Variants in FAS observed in about 807,000 individuals in gnomAD.
The protein encoded by FAS is Fas cell surface death receptor, also known as tumor necrosis factor receptor superfamily member 6.
A neutral mutation model predicts 33.2 loss-of-function variants in FAS; 5 were observed. The observed-to-expected ratio is 0.15, with a 90% CI of 0.08 to 0.32. The LOEUF is 0.32. FAS is among the 10% of genes least tolerant of loss of function. FAS has a pLI of 1.00. For missense variants in FAS, 339 were observed against 386.0 expected (o/e 0.88, Z 1.02); for synonymous variants, 131 against 130.7 (o/e 1.00, Z -0.01).
intron 1 of FAS, among the ~76,000 whole-genome samples, chr10:88,972,440 A>G (rs536451245): frequency 6.6e-6 from 1 of 152,334 alleles, no homozygotes; most frequent in Non-Finnish European, 1.5e-5. Flanking sequence ...TTAATATTTA[A>G]TGTAATATTT....
chr10:88,978,674 C>T (rs923986080), intron 2 of FAS, among the ~76,000 whole-genome samples: 10 of 152,254 alleles, frequency 6.6e-5, no homozygotes, highest in East Asian at 3.9e-4. Flanking sequence ...ATTTGCACCA[C>T]GGCTCCAGCT....
At chr10:88,991,283 C>G (rs889854910) in intron 1 of FAS, 3 of 418,092 alleles carry the variant, frequency 7.2e-6, no homozygotes, top group South Asian at 4.6e-5. Flanking sequence ...AGGGGGACCC[C>G]GGTTGGAGAG....
At chr10:89,009,718 T>G (rs1221811659) in intron 4 of FAS, among the ~76,000 whole-genome samples, 3 of 151,724 alleles carry the variant, frequency 2.0e-5, no homozygotes, top group Non-Finnish European at 4.4e-5. Context: ...GAAAATTTTA[T>G]GTACAGTTGT....
rs543741938 is a variant in FAS at position 89,014,018 on chromosome 10, G to A, written c.677-101G>A. On this transcript the variant is annotated intron_variant, in intron 8 of 8. Coordinates refer to ENST00000652046, the MANE Select transcript of FAS (RefSeq NM_000043.6). ...GCTCTTCATAGACCTTTAGGACTTA[G>A]CTATATTCTGAAGTACTATAAAAAG... 4,993 of 1,210,080 alleles carry A rather than the reference G, an allele frequency of 4.1e-3. 33 individuals are homozygous for A. Among genetic ancestry groups the A allele is most frequent in the South Asian group, 0.01 (763 of 76,118 alleles). 75.0% of individuals were successfully genotyped at this position (1,210,080 alleles called of 1,614,324 possible).
upstream of FAS, chr10:88,990,729 G>T: frequency 1.1e-6 from 1 of 906,324 alleles, no homozygotes; most frequent in South Asian, 1.4e-5. The surrounding 1 kb of genome is among the most constrained non-coding windows in gnomAD (Gnocchi z 4.9). Flanking sequence ...GACTTGGCTG[G>T]AGCCTCAGGG....
intron 2 of FAS, chr10:88,974,764 T>A (rs1468572796): frequency 6.6e-6 from 1 of 152,210 alleles, no homozygotes; most frequent in East Asian, 1.9e-4. Flanking sequence ...TCACTCTAAT[T>A]AGGAAGCATT....
At chr10:89,010,855 T>C (rs1403649928) in intron 6 of FAS, 40 bp downstream of exon 6, 1 of 1,608,414 alleles carries the variant, frequency 6.2e-7, no homozygotes, top group African/African-American at 1.3e-5. Flanking sequence ...TTGAAATAAC[T>C]TGGGAAGTAG....
At chr10:88,991,170 G>GT in intron 1 of FAS, 1 of 585,972 alleles carries the variant, frequency 1.7e-6, no homozygotes, top group Non-Finnish European at 3.0e-6. Context: ...GGCAGGCGGG[G>GT]CAGCTCCGGC....
upstream of FAS, chr10:88,990,500 G>C: frequency 1.7e-6 from 1 of 579,530 alleles, no homozygotes. The surrounding 1 kb of genome is among the most constrained non-coding windows in gnomAD (Gnocchi z 4.9). Context: ...AACGAACCCT[G>C]ACTCCTTCCT....
At chr10:88,971,025 A>G (rs1846433781) in intron 1 of FAS, among the ~76,000 whole-genome samples, 1 of 152,226 alleles carries the variant, frequency 6.6e-6, no homozygotes, top group Non-Finnish European at 1.5e-5. Flanking sequence ...ACTAAGATGT[A>G]AAGGCAAACC....
upstream of FAS, chr10:88,990,714 C>T: frequency 2.5e-6 from 2 of 795,296 alleles, no homozygotes; most frequent in Non-Finnish European, 4.3e-6. The surrounding 1 kb of genome is among the most constrained non-coding windows in gnomAD (Gnocchi z 4.9). Flanking sequence ...AAGCGGTTTA[C>T]GAGTGACTTG....
intron 2 of FAS, among the ~76,000 whole-genome samples, chr10:89,005,175 AAGGG>A (rs145464600): frequency 0.081 from 11,157 of 137,206 alleles, 654 homozygotes; most frequent in East Asian, 0.17. Context: ...ATCAAAAACG[AAGGG>A]AGGGAGGGAG....
intron 1 of FAS, among the ~76,000 whole-genome samples, chr10:88,994,226 T>A (rs1847444971): frequency 6.6e-6 from 1 of 152,140 alleles, no homozygotes; most frequent in Admixed American, 6.5e-5. Context: ...GGTGCCAGAT[T>A]ACCAGAGTAA....
rs1264851585 is a variant in FAS at position 89,007,833 on chromosome 10, A to G, written c.330A>G (p.Gly110=). Residue 110 remains glycine (G), a synonymous_variant, in exon 3 of 9, where the codon GGA becomes GGG. Transcript: ENST00000652046. ...KCRRCRLCDE[G]HGLEVEINCT... is the part of the protein sequence containing the mutation. ...GAAGATGTAGATTGTGTGATGAAGG[A>G]CATGGTAAGAGTCTTAAAATGCAAT... is the stretch of plus-strand genomic sequence containing the variant. The G allele has an allele frequency of 6.2e-7, 1 of 1,613,934 alleles. No homozygotes were observed. The highest frequency in any genetic ancestry group is 1.7e-5 in the Admixed American group (1 of 60,010).
At position 89,012,124 on chromosome 10, in the gene FAS, T is replaced by G. The variant is rs3740282; in HGVS notation, c.651+43T>G. 4,964 of 1,505,186 alleles carry G rather than the reference T, an allele frequency of 3.3e-3. 104 individuals are homozygous for G. The East Asian group carries it at 0.063, about 19-fold the overall frequency. The allele number at this position is 1,505,186 out of a possible 1,614,324, so 93.2% of individuals were successfully genotyped here. A position where few individuals can be genotyped will look rare whatever the true frequency, so the allele number is the denominator to read the frequency against. On this transcript the variant is annotated intron_variant, in intron 7 of 8. Transcript: ENST00000652046. ...TATCAGCTTTCCTTGAAAAGAAAAA[T>G]AGAGAAATTAGTGATTTGGCTTTTT...
chr10:89,000,432 A>G (rs1266411359), intron 1 of FAS, among the ~76,000 whole-genome samples: 1 of 152,230 alleles, frequency 6.6e-6, no homozygotes. Context: ...GCTACCTTTT[A>G]AACTTTTTTA....
chr10:89,003,643 T>C (rs953066834), intron 2 of FAS, among the ~76,000 whole-genome samples: 3 of 152,142 alleles, frequency 2.0e-5, no homozygotes, highest in African/African-American at 7.2e-5. Flanking sequence ...GCCTGCAAAA[T>C]ATATTTGCAT....
chr10:89,015,278 A>G lies in FAS; in HGVS notation c.*828A>G, dbSNP rs1848745381. The G allele has an allele frequency of 3.7e-6, 2 of 534,690 alleles. No homozygotes were observed. The highest frequency in any genetic ancestry group is 3.6e-6 in the Non-Finnish European group (1 of 276,680). 33.1% of individuals were successfully genotyped at this position (534,690 alleles called of 1,614,324 possible). ...TGGAAATATCACCAAAAAATACTTA[A>G]TAGTCCACCAAAAGGCAAGACTGCC... On this transcript the variant is annotated 3_prime_UTR_variant, in exon 9 of 9. Transcript: ENST00000652046.
At chr10:88,990,583 G>C (rs777532260), upstream of FAS, 8 of 666,436 alleles carry the variant, frequency 1.2e-5, no homozygotes, top group Non-Finnish European at 1.4e-5. The surrounding 1 kb of genome is among the most constrained non-coding windows in gnomAD (Gnocchi z 4.9). Context: ...CCCCAACCCG[G>C]GCGTTCCCCA....
Sources: allele counts gnomAD v4.1 joint callset (sites outside exome capture counted in the v4.1 genomes callset), GRCh38; gene constraint gnomAD v4.1.1; non-coding constraint Gnocchi (gnomAD v3.1); transcripts MANE v1.5; gene names NCBI Gene and HGNC (gene_info 2026-07-23, HGNC 2026-07-21).